The following PRKCE variants were observed in gnomAD, a reference collection of about 807,000 sequenced individuals.
PRKCE encodes the protein protein kinase C epsilon.
Under a neutral mutation model 85.4 loss-of-function variants are expected in PRKCE, and 16 were observed. The observed-to-expected ratio is 0.19, with a 90% CI of 0.13 to 0.28. The LOEUF (loss-of-function observed/expected upper bound fraction) is 0.28. PRKCE is among the 10% of genes least tolerant of loss of function. The pLI is 1.00. For synonymous variants in PRKCE, 388 were observed against 371.5 expected (o/e 1.04, Z -0.51); for missense variants, 573 against 975.2 (o/e 0.59, Z 5.49).
At chr2:46,060,109 A>C (rs974930777) in intron 10 of PRKCE, among the ~76,000 whole-genome samples, 2 of 152,220 alleles carry the variant, frequency 1.3e-5, no homozygotes, top group African/African-American at 4.8e-5. Context: ...TTCAATGTGA[A>C]TTATTCTGTA....
Position 46,034,145 on chromosome 2 carries a change from C to T in PRKCE, c.1437+23628C>T, listed in dbSNP as rs909297186. Among the ~76,000 whole-genome samples, 8 of 152,288 alleles carry T rather than the reference C, an allele frequency of 5.3e-5. No homozygotes were observed. The South Asian group carries it at 1.0e-3, about 20-fold the overall frequency. On this transcript the variant is annotated intron_variant, in intron 10 of 14. Coordinates refer to ENST00000306156, the MANE Select transcript of PRKCE (RefSeq NM_005400.3). ...AAATAAAGGATGTCTTGGGGCATCC[C>T]AAGAGCCAAGACTGCGGTCTGTGAG...
chr2:46,033,281 T>C (rs1259149926), intron 10 of PRKCE, among the ~76,000 whole-genome samples: 1 of 152,216 alleles, frequency 6.6e-6, no homozygotes, highest in Non-Finnish European at 1.5e-5. Flanking sequence ...GCTCATCATC[T>C]TCCTCACTGG....
chr2:45,741,395 G>GT (rs1437784966), intron 1 of PRKCE, among the ~76,000 whole-genome samples: 1 of 152,210 alleles, frequency 6.6e-6, no homozygotes, highest in Non-Finnish European at 1.5e-5. Flanking sequence ...CACCCTGTCA[G>GT]TTGTAGGCAG....
At position 45,907,874 on chromosome 2, in the gene PRKCE, T is replaced by G. The variant is rs181366734; in HGVS notation, c.412+64811T>G. Reference sequence around the variant, plus strand: ...AATACTTGCCGAGTGCTGAGAACAGTGCCTGGTATCTATGTTAAACAAAAC... The same window carrying G: ...AATACTTGCCGAGTGCTGAGAACAGGGCCTGGTATCTATGTTAAACAAAAC... On this transcript the variant is annotated intron_variant, in intron 2 of 14. Coordinates refer to ENST00000306156, the MANE Select transcript of PRKCE (RefSeq NM_005400.3). The surrounding 1 kb of genome is among the most constrained non-coding windows in gnomAD (Gnocchi z 4.5). 1.3e-5 allele frequency among the ~76,000 whole-genome samples: 2 copies of G among 152,308 alleles called. No homozygotes were observed. The highest frequency in any genetic ancestry group is 4.8e-5 in the African/African-American group (2 of 41,568).
intron 6 of PRKCE, among the ~76,000 whole-genome samples, chr2:45,985,784 T>A (rs1703275902): frequency 6.6e-6 from 1 of 151,728 alleles, no homozygotes; most frequent in Admixed American, 6.6e-5. Context: ...GAGGATAAGG[T>A]TGGAGGTAGA....
At chr2:45,883,833 G>A (rs906127737) in intron 2 of PRKCE, among the ~76,000 whole-genome samples, 3 of 152,194 alleles carry the variant, frequency 2.0e-5, no homozygotes, top group Non-Finnish European at 4.4e-5. Flanking sequence ...AGAGTGTGTG[G>A]GAAACTCCCT....
At chr2:45,672,898 C>T (rs1178012603) in intron 1 of PRKCE, among the ~76,000 whole-genome samples, 1 of 152,088 alleles carries the variant, frequency 6.6e-6, no homozygotes, top group Non-Finnish European at 1.5e-5. Flanking sequence ...TGGTGGCATG[C>T]ATTTGTAGTC....
chr2:46,120,046 G>A (rs1162478293), intron 11 of PRKCE, among the ~76,000 whole-genome samples: 1 of 152,162 alleles, frequency 6.6e-6, no homozygotes, highest in East Asian at 1.9e-4. Context: ...TTGTTCATAA[G>A]TTTTCAAAAG....
At chr2:45,745,264 G>T (rs1573175181) in intron 1 of PRKCE, among the ~76,000 whole-genome samples, 2 of 152,184 alleles carry the variant, frequency 1.3e-5, no homozygotes, top group African/African-American at 4.8e-5. Context: ...GCCTGGTGGG[G>T]AGAGGAGGCC....
At chr2:46,116,346 T>C (rs1672765189) in intron 11 of PRKCE, among the ~76,000 whole-genome samples, 1 of 152,216 alleles carries the variant, frequency 6.6e-6, no homozygotes, top group Non-Finnish European at 1.5e-5. Context: ...GCCTTGACAC[T>C]GCAATATACA....
rs1414657412 is a variant in PRKCE at position 45,961,708 on chromosome 2, TC to T, written c.413-14720del. On this transcript the variant is annotated intron_variant, in intron 2 of 14. Transcript: ENST00000306156. ...CATTGCCAGGATTCTTTTTTTTTTT[TC>T]TTTGAGACGGAGTTTCACTTTTGTT... 3.0e-3 allele frequency among the ~76,000 whole-genome samples: 447 copies of T among 147,526 alleles called. 1 individual carries two copies. The highest frequency in any genetic ancestry group is 0.011 in the African/African-American group (419 of 39,294).
At chr2:46,112,920 T>A (rs1172341593) in intron 11 of PRKCE, among the ~76,000 whole-genome samples, 2 of 152,168 alleles carry the variant, frequency 1.3e-5, no homozygotes, top group African/African-American at 4.8e-5. Context: ...CAGTTGTAGG[T>A]TGCTTCTTAA....
intron 11 of PRKCE, among the ~76,000 whole-genome samples, chr2:46,111,175 AT>A (rs1672218257): frequency 8.9e-6 from 1 of 112,552 alleles, no homozygotes; most frequent in Non-Finnish European, 1.9e-5. Flanking sequence ...TTGGATGGCT[AT>A]TTTATAAATG....
At chr2:45,873,418 G>A (rs1365200630) in intron 2 of PRKCE, among the ~76,000 whole-genome samples, 1 of 149,960 alleles carries the variant, frequency 6.7e-6, no homozygotes, top group Admixed American at 6.7e-5. Flanking sequence ...AGCTGCATAC[G>A]AGTCAGGCGT....
At chr2:45,969,214 T>TA (rs1483745835) in intron 2 of PRKCE, among the ~76,000 whole-genome samples, 3 of 151,894 alleles carry the variant, frequency 2.0e-5, no homozygotes, top group Non-Finnish European at 4.4e-5. Flanking sequence ...GAATTCTTGT[T>TA]ACATCCCCAC....
intron 12 of PRKCE, among the ~76,000 whole-genome samples, chr2:46,148,277 G>A (rs913582069): frequency 6.6e-5 from 10 of 152,332 alleles, no homozygotes; most frequent in South Asian, 4.1e-4. Context: ...GTGACTTCCC[G>A]TGACATGGAA....
At chr2:45,839,255 C>A (rs947036381) in intron 1 of PRKCE, among the ~76,000 whole-genome samples, 3 of 152,094 alleles carry the variant, frequency 2.0e-5, no homozygotes, top group African/African-American at 7.2e-5. Flanking sequence ...AAATAATTGC[C>A]TGAGGTCACT....
At chr2:45,858,952 A>C (rs1692914867) in intron 2 of PRKCE, among the ~76,000 whole-genome samples, 1 of 151,894 alleles carries the variant, frequency 6.6e-6, no homozygotes, top group Non-Finnish European at 1.5e-5. Flanking sequence ...GAGGCGGGAG[A>C]ATCACTTGAA....
intron 1 of PRKCE, among the ~76,000 whole-genome samples, chr2:45,736,571 G>C (rs928423441): frequency 2.6e-5 from 4 of 152,178 alleles, no homozygotes; most frequent in African/African-American, 4.8e-5. Flanking sequence ...TCTACTCCTC[G>C]CTCTGACTTC....
Sources: allele counts gnomAD v4.1 joint callset (sites outside exome capture counted in the v4.1 genomes callset), GRCh38; gene constraint gnomAD v4.1.1; non-coding constraint Gnocchi (gnomAD v3.1); transcripts MANE v1.5; gene names NCBI Gene and HGNC (gene_info 2026-07-23, HGNC 2026-07-21).